The following PARP8 variants were observed in gnomAD, a reference collection of about 807,000 sequenced individuals.
The protein encoded by PARP8 is poly(ADP-ribose) polymerase family member 8.
In PARP8, 51 loss-of-function variants were observed where a neutral mutation model predicts 124.1. The ratio of observed to expected loss-of-function variants is 0.41; its 90% CI spans 0.33 to 0.52. The LOEUF (loss-of-function observed/expected upper bound fraction) is 0.52. Among genes scored for constraint, PARP8 ranks in the 20% least tolerant of loss-of-function variants. The pLI is 0.21. For synonymous variants in PARP8, 391 were observed against 361.5 expected (o/e 1.08, Z -0.93); for missense variants, 860 against 1,018.9 (o/e 0.84, Z 2.12).
rs114755109 is a variant in PARP8 at position 50,735,155 on chromosome 5, G to T, written c.147-14996G>T. Among the ~76,000 whole-genome samples, 535 of 152,056 alleles carry T rather than the reference G, an allele frequency of 3.5e-3. 5 individuals are homozygous for T. Among genetic ancestry groups the T allele is most frequent in the African/African-American group, 0.012 (500 of 41,510 alleles). Reference sequence around the variant, plus strand: ...TGGTGTACTTTTGTTTGGCTTCTGGGTAGCTCCCCAAACAGAATATATTTT... The same window carrying T: ...TGGTGTACTTTTGTTTGGCTTCTGGTTAGCTCCCCAAACAGAATATATTTT... On this transcript the variant is annotated intron_variant, in intron 2 of 25. Transcript: ENST00000281631.
intron 9 of PARP8, among the ~76,000 whole-genome samples, chr5:50,784,571 C>T (rs1263587963): frequency 6.6e-6 from 1 of 152,134 alleles, no homozygotes; most frequent in East Asian, 1.9e-4. Flanking sequence ...ATAATTTCCA[C>T]ATATCTTGGG....
intron 23 of PARP8, 88 bp downstream of exon 23, chr5:50,832,942 C>A: frequency 8.3e-7 from 1 of 1,206,376 alleles, no homozygotes; most frequent in Non-Finnish European, 1.2e-6. Context: ...CTTTTTAAGT[C>A]TGAAAAATTA....
intron 17 of PARP8, 85 bp from the exon 18 acceptor site, chr5:50,824,823 A>T: frequency 1.9e-6 from 2 of 1,051,510 alleles, no homozygotes. Flanking sequence ...TAGATTAGGC[A>T]TATCGTTTGG....
intron 2 of PARP8, among the ~76,000 whole-genome samples, chr5:50,696,721 C>T (rs1436838584): frequency 6.6e-6 from 1 of 152,078 alleles, no homozygotes; most frequent in Non-Finnish European, 1.5e-5. Flanking sequence ...TTCACGCCAT[C>T]CCTAATCACT....
intron 9 of PARP8, among the ~76,000 whole-genome samples, chr5:50,785,231 G>C (rs1245263470): frequency 6.6e-6 from 1 of 151,910 alleles, no homozygotes; most frequent in Non-Finnish European, 1.5e-5. Flanking sequence ...AATTTATTTT[G>C]ATAAATATTA....
chr5:50,791,660 T>A (rs1355305062), intron 10 of PARP8, among the ~76,000 whole-genome samples: 3 of 152,086 alleles, frequency 2.0e-5, no homozygotes, highest in African/African-American at 7.2e-5. Context: ...AGGCTCAGCA[T>A]ATCACAGACA....
At chr5:50,714,597 A>G (rs1755111609) in intron 2 of PARP8, among the ~76,000 whole-genome samples, 1 of 152,094 alleles carries the variant, frequency 6.6e-6, no homozygotes, top group African/African-American at 2.4e-5. Flanking sequence ...AATAGGCATT[A>G]TTTCCATGTC....
chr5:50,778,194 G>A (rs1203523609), intron 8 of PARP8, 65 bp downstream of exon 8: 6 of 1,242,348 alleles, frequency 4.8e-6, no homozygotes, highest in Admixed American at 2.4e-5. Flanking sequence ...ATTTTTGGGG[G>A]AAATTTAATT....
chr5:50,679,731 A>G (rs1340563439), intron 2 of PARP8, among the ~76,000 whole-genome samples: 1 of 152,184 alleles, frequency 6.6e-6, no homozygotes, highest in Non-Finnish European at 1.5e-5. Context: ...TTGAGGGCTA[A>G]GTTCATGTTT....
intron 7 of PARP8, among the ~76,000 whole-genome samples, chr5:50,768,462 A>G (rs891133805): frequency 2.0e-5 from 3 of 152,180 alleles, no homozygotes; most frequent in Non-Finnish European, 4.4e-5. Context: ...ACATGTCGGG[A>G]AAGAACATTT....
intron 7 of PARP8, among the ~76,000 whole-genome samples, chr5:50,768,785 G>T (rs1410957260): frequency 6.6e-6 from 1 of 152,098 alleles, no homozygotes; most frequent in East Asian, 1.9e-4. Flanking sequence ...TGATGACTGG[G>T]TCGCTGCATC....
chr5:50,754,445 G>T (rs1321839400), intron 3 of PARP8, among the ~76,000 whole-genome samples: 1 of 151,034 alleles, frequency 6.6e-6, no homozygotes, highest in Non-Finnish European at 1.5e-5. Flanking sequence ...TTGGTTTTTT[G>T]TCCTTGCGAT....
At chr5:50,788,229 T>TA in intron 9 of PARP8, among the ~76,000 whole-genome samples, 1 of 142,860 alleles carries the variant, frequency 7.0e-6, no homozygotes, top group Admixed American at 7.7e-5. Flanking sequence ...TTATACTGTA[T>TA]ATTATTATAC....
At chr5:50,824,054 C>T (rs1202832701) in intron 17 of PARP8, among the ~76,000 whole-genome samples, 1 of 152,186 alleles carries the variant, frequency 6.6e-6, no homozygotes, top group African/African-American at 2.4e-5. Flanking sequence ...CTGTCCTATA[C>T]GTAGCCCTAA....
chr5:50,821,104 G>C, intron 15 of PARP8, 109 bp from the exon 16 acceptor site: 7 of 1,253,676 alleles, frequency 5.6e-6, no homozygotes, highest in Non-Finnish European at 8.0e-6. Context: ...GAGATTGGTA[G>C]CAGTCCTGAT....
At chr5:50,727,876 A>G (rs1389620814) in intron 2 of PARP8, among the ~76,000 whole-genome samples, 3 of 152,178 alleles carry the variant, frequency 2.0e-5, no homozygotes, top group Non-Finnish European at 4.4e-5. Flanking sequence ...GTTGAAAATT[A>G]CAACTATAAT....
intron 24 of PARP8, among the ~76,000 whole-genome samples, chr5:50,834,473 G>A (rs1747341126): frequency 6.6e-6 from 1 of 152,102 alleles, no homozygotes; most frequent in South Asian, 2.1e-4. Flanking sequence ...TCTGTACTGA[G>A]GACAGAAAAA....
At chr5:50,779,989 C>G (rs1740485918) in intron 9 of PARP8, among the ~76,000 whole-genome samples, 1 of 151,956 alleles carries the variant, frequency 6.6e-6, no homozygotes, top group African/African-American at 2.4e-5. Context: ...TATTTTTATT[C>G]TGATAATTTC....
chr5:50,693,452 T>G (rs1435308713), intron 2 of PARP8, among the ~76,000 whole-genome samples: 2 of 152,150 alleles, frequency 1.3e-5, no homozygotes, highest in Non-Finnish European at 2.9e-5. Context: ...TATAGAAGCA[T>G]AAGTTCAATT....
Sources: gnomAD v4.1 joint callset for allele counts (sites outside exome capture counted in the v4.1 genomes callset) on GRCh38, gnomAD v4.1.1 for gene constraint, MANE v1.5 for transcripts, NCBI Gene and HGNC (gene_info 2026-07-23, HGNC 2026-07-21) for gene names.